The following GKN1 variants were observed in gnomAD, a reference collection of about 807,000 sequenced individuals.
GKN1 encodes gastrokine 1.
GKN1 carries 17 observed loss-of-function variants against 19.7 expected under a neutral mutation model. The observed-to-expected ratio is 0.86, with a 90% CI of 0.59 to 1.29. The LOEUF (loss-of-function observed/expected upper bound fraction) is 1.29, where lower values mean the gene tolerates loss of function less well. GKN1 is among the 50% of genes most tolerant of loss of function. The pLI is 0.00. For synonymous variants in GKN1, 96 were observed against 78.3 expected (o/e 1.23, Z -1.20); for missense variants, 218 against 224.5 (o/e 0.97, Z 0.19).
chr2:68,976,013 C>T (rs1558714568), intron 1 of GKN1, among the ~76,000 whole-genome samples: 1 of 151,966 alleles, frequency 6.6e-6, no homozygotes, highest in Non-Finnish European at 1.5e-5. Flanking sequence ...TGTCAGGGAC[C>T]CTGTGATAAA....
At chr2:68,979,413 A>G (rs1670325095) in intron 4 of GKN1, among the ~76,000 whole-genome samples, 1 of 152,228 alleles carries the variant, frequency 6.6e-6, no homozygotes, top group Non-Finnish European at 1.5e-5. Context: ...AAAAAGATCC[A>G]TTGTTTATCT....
At position 68,977,563 on chromosome 2, in the gene GKN1, T is replaced by C; in HGVS notation, c.66+15T>C. ...TAGCTAACTATGTAAGTCTCACCTT[T>C]TCAAGTTTGCTACCAAAATGCATTT... is the stretch of plus-strand genomic sequence containing the variant. On this transcript the variant is annotated intron_variant, in intron 2 of 5. Transcript: ENST00000377938. The C allele has an allele frequency of 1.2e-6, 2 of 1,607,846 alleles. No homozygotes were observed. Among genetic ancestry groups the C allele is most frequent in the Non-Finnish European group, 1.7e-6 (2 of 1,174,400 alleles).
chr2:68,975,509 AG>A (rs1482582108), intron 1 of GKN1, among the ~76,000 whole-genome samples: 1 of 152,188 alleles, frequency 6.6e-6, no homozygotes, highest in African/African-American at 2.4e-5. Flanking sequence ...CACGATGCAA[AG>A]GGGCTAGAAT....
intron 1 of GKN1, 31 bp from the exon 2 acceptor site, chr2:68,977,464 A>G (rs750987557): frequency 2.0e-6 from 3 of 1,502,802 alleles, no homozygotes; most frequent in Non-Finnish European, 2.8e-6. Flanking sequence ...TTTGCCATGT[A>G]ACAGGAGACC....
At chr2:68,980,588 T>C (rs913651696) in intron 5 of GKN1, 141 bp from the exon 6 acceptor site, 7 of 608,044 alleles carry the variant, frequency 1.2e-5, no homozygotes, top group African/African-American at 3.7e-5. Flanking sequence ...GATCTCTGAA[T>C]TGATTGATTT....
chr2:68,976,242 A>AT (rs1198845963), intron 1 of GKN1, among the ~76,000 whole-genome samples: 1 of 152,140 alleles, frequency 6.6e-6, no homozygotes, highest in Non-Finnish European at 1.5e-5. Flanking sequence ...TTCAGATGTG[A>AT]TTTTTAGCAC....
In GKN1 at chr2:68,978,049, C is replaced by G. The variant is rs1250626109; in HGVS notation, c.204+275C>G. On this transcript the variant is annotated intron_variant, in intron 3 of 5. Coordinates refer to ENST00000377938, the MANE Select transcript of GKN1 (RefSeq NM_019617.4). ...ACAACAAATATGAACATCCTTTTGCCTTGCCTGCAGATACCCTCAATAATG... is the reference window on the plus strand; with the variant it reads ...ACAACAAATATGAACATCCTTTTGCGTTGCCTGCAGATACCCTCAATAATG... 7.4e-6 allele frequency: 3 copies of G among 406,576 alleles called. No homozygotes were observed. In the East Asian group the frequency reaches 1.4e-4, roughly 19 times the overall value. 25.2% of individuals were successfully genotyped at this position (406,576 alleles called of 1,614,324 possible). A position where few individuals can be genotyped will look rare whatever the true frequency, so the allele number is the denominator to read the frequency against.
At chr2:68,976,520 A>G (rs1203273507) in intron 1 of GKN1, among the ~76,000 whole-genome samples, 1 of 152,198 alleles carries the variant, frequency 6.6e-6, no homozygotes, top group Non-Finnish European at 1.5e-5. Flanking sequence ...GTGAGCATCA[A>G]CAACCTGTGT....
intron 4 of GKN1, among the ~76,000 whole-genome samples, chr2:68,979,275 G>A (rs1433497860): frequency 6.6e-6 from 1 of 152,202 alleles, no homozygotes; most frequent in Admixed American, 6.5e-5. Flanking sequence ...ACATTTTTCT[G>A]CAAGAGTTAG....
intron 3 of GKN1, among the ~76,000 whole-genome samples, chr2:68,978,407 A>C (rs1211845977): frequency 6.6e-6 from 1 of 152,110 alleles, no homozygotes; most frequent in Non-Finnish European, 1.5e-5. Context: ...AACACTTAGC[A>C]CTAGTTAGGA....
In GKN1 at chr2:68,980,122, G is replaced by A. The variant is rs997941879; in HGVS notation, c.463+62G>A. The A allele has an allele frequency of 1.3e-5, 19 of 1,460,932 alleles. No individual in the cohort carries two copies. In the Middle Eastern group the frequency reaches 9.2e-4, roughly 71 times the overall value. The allele number at this position is 1,460,932 out of a possible 1,614,324, so 90.5% of individuals were successfully genotyped here. A position where few individuals can be genotyped will look rare whatever the true frequency, so the allele number is the denominator to read the frequency against. ...CTGGTGGGATTGTCAGACTATCCTC[G>A]CGCGTGTCCATAGTGGGCACCAGTG... On this transcript the variant is annotated intron_variant, in intron 5 of 5. Coordinates refer to ENST00000377938, the MANE Select transcript of GKN1 (RefSeq NM_019617.4).
intron 1 of GKN1, among the ~76,000 whole-genome samples, chr2:68,975,833 C>T (rs1190959389): frequency 6.6e-6 from 1 of 152,134 alleles, no homozygotes; most frequent in African/African-American, 2.4e-5. Context: ...TTTTAGGAGA[C>T]TAATTTTTAA....
chr2:68,980,201 G>C, intron 5 of GKN1, 141 bp downstream of exon 5: 1 of 713,876 alleles, frequency 1.4e-6, no homozygotes, highest in Non-Finnish European at 2.5e-6. Flanking sequence ...TCTGTGCCAG[G>C]TACTGTTCTA....
chr2:68,976,026 A>G (rs1185681901), intron 1 of GKN1, among the ~76,000 whole-genome samples: 1 of 152,150 alleles, frequency 6.6e-6, no homozygotes, highest in Non-Finnish European at 1.5e-5. Context: ...GTGATAAATA[A>G]TTAAACCAAG....
At chr2:68,977,438 A>G in intron 1 of GKN1, 57 bp from the exon 2 acceptor site, 1 of 1,135,946 alleles carries the variant, frequency 8.8e-7, no homozygotes, top group Non-Finnish European at 1.3e-6. Context: ...GGATAGAGGA[A>G]GAAAGAAGAC....
At chr2:68,979,092 C>T in intron 4 of GKN1, 111 bp downstream of exon 4, 1 of 595,080 alleles carries the variant, frequency 1.7e-6, no homozygotes, top group Non-Finnish European at 3.0e-6. Context: ...TTGTAGTGTG[C>T]AGCACAAAGG....
At chr2:68,978,306 G>GAAAGAAAGAGAGAA (rs1558715344) in intron 3 of GKN1, among the ~76,000 whole-genome samples, 1 of 127,684 alleles carries the variant, frequency 7.8e-6, no homozygotes, top group African/African-American at 3.6e-5. Context: ...GAGAGAGAAA[G>GAAAGAAAGAGAGAA]AAAGAAAAAG....
chr2:68,976,116 T>C (rs1164021720), intron 1 of GKN1, among the ~76,000 whole-genome samples: 1 of 152,164 alleles, frequency 6.6e-6, no homozygotes, highest in Non-Finnish European at 1.5e-5. Flanking sequence ...TTTCTCATCA[T>C]TGGCATCCAA....
chr2:68,977,234 C>T (rs553034259), intron 1 of GKN1, among the ~76,000 whole-genome samples: 1 of 152,240 alleles, frequency 6.6e-6, no homozygotes, highest in Non-Finnish European at 1.5e-5. Context: ...TCAATTTTTC[C>T]AGCGTTTCAT....
Sources: gnomAD v4.1 joint callset for allele counts (sites outside exome capture counted in the v4.1 genomes callset) on GRCh38, gnomAD v4.1.1 for gene constraint, MANE v1.5 for transcripts, NCBI Gene and HGNC (gene_info 2026-07-23, HGNC 2026-07-21) for gene names.